The following NAALADL2 variants were observed in gnomAD, a reference collection of about 807,000 sequenced individuals.
NAALADL2 encodes N-acetylated alpha-linked acidic dipeptidase like 2.
NAALADL2 carries 76 observed loss-of-function variants against 87.2 expected under a neutral mutation model. That is an observed-to-expected ratio of 0.87 (90% CI 0.72 to 1.05). The LOEUF is 1.05. Ranked by LOEUF, NAALADL2 falls within the 50% of genes least tolerant of loss-of-function variation. The probability of loss-of-function intolerance (pLI) is 0.00; values close to 1 mark genes in which losing one functional copy is unlikely to be tolerated. For synonymous variants in NAALADL2, 354 were observed against 331.0 expected (o/e 1.07, Z -0.75); for missense variants, 1,089 against 945.8 (o/e 1.15, Z -1.99).
At chr3:175,204,958 A>G (rs1269394864) in intron 2 of NAALADL2, among the ~76,000 whole-genome samples, 2 of 151,066 alleles carry the variant, frequency 1.3e-5, no homozygotes, top group Admixed American at 1.3e-4. Context: ...ATCATAGAAG[A>G]CACAAACAAA....
intron 10 of NAALADL2, among the ~76,000 whole-genome samples, chr3:175,626,937 G>T (rs1727069810): frequency 6.6e-6 from 1 of 151,792 alleles, no homozygotes; most frequent in Middle Eastern, 3.2e-3. Context: ...GACCAATATA[G>T]TCACACACCA....
intron 4 of NAALADL2, among the ~76,000 whole-genome samples, chr3:175,262,729 C>T (rs1485614824): frequency 6.6e-6 from 1 of 151,642 alleles, no homozygotes; most frequent in East Asian, 1.9e-4. Context: ...ATAATTTTCC[C>T]TGGTATGAAT....
At chr3:174,953,285 A>G (rs929307602) in intron 1 of NAALADL2, among the ~76,000 whole-genome samples, 2 of 132,662 alleles carry the variant, frequency 1.5e-5, no homozygotes, top group African/African-American at 2.8e-5. Flanking sequence ...TTAGGACCCA[A>G]TCTTTCTTGC....
At chr3:175,196,822 C>T (rs565577971) in intron 2 of NAALADL2, among the ~76,000 whole-genome samples, 1 of 151,962 alleles carries the variant, frequency 6.6e-6, no homozygotes, top group Non-Finnish European at 1.5e-5. Flanking sequence ...AAATTGAAAG[C>T]AATCACAGCT....
chr3:175,420,715 G>C (rs914152336), intron 5 of NAALADL2, among the ~76,000 whole-genome samples: 8 of 151,944 alleles, frequency 5.3e-5, no homozygotes, highest in African/African-American at 1.9e-4. Flanking sequence ...TTCTCAAACA[G>C]CTCATTAAGT....
chr3:175,081,408 A>T (rs1380276601), intron 1 of NAALADL2, among the ~76,000 whole-genome samples: 1 of 152,144 alleles, frequency 6.6e-6, no homozygotes, highest in African/African-American at 2.4e-5. Context: ...TAATCCAGTT[A>T]TCCTGCCTCA....
intron 3 of NAALADL2, among the ~76,000 whole-genome samples, chr3:174,845,998 G>C (rs1372598702): frequency 2.0e-5 from 3 of 152,112 alleles, no homozygotes; most frequent in Non-Finnish European, 4.4e-5. Context: ...CATACGATGG[G>C]GGTTTCTGCT....
intron 3 of NAALADL2, among the ~76,000 whole-genome samples, chr3:174,797,309 T>C (rs13316847): frequency 0.18 from 15,706 of 86,766 alleles, 589 homozygotes; most frequent in East Asian, 0.28. Flanking sequence ...TTTTTTCTTT[T>C]TTTTTTTTTT....
rs528272427 is a variant in NAALADL2 at position 174,982,964 on chromosome 3, A to AT, written c.44-113819dup. On this transcript the variant is annotated intron_variant, in intron 1 of 13. Coordinates refer to ENST00000454872, the MANE Select transcript of NAALADL2 (RefSeq NM_207015.3). ...AGGTGCCCGCCACCACGCCTGGCTA[A>AT]TTTTTTTGTATTTTTAGTAGAGACG... 3.3e-5 allele frequency among the ~76,000 whole-genome samples: 5 copies of AT among 152,054 alleles called. No individual in the cohort carries two copies. In the South Asian group the frequency reaches 1.0e-3, roughly 32 times the overall value.
intron 5 of NAALADL2, among the ~76,000 whole-genome samples, chr3:175,412,891 T>TTTATTATTATTATTATTA (rs58135076): frequency 0.034 from 4,178 of 122,960 alleles, 110 homozygotes; most frequent in Admixed American, 0.043. Flanking sequence ...ATTTAATTTA[T>TTTATTATTATTATTATTA]TTATTATTAT....
At chr3:174,741,918 T>C (rs1054747943) in intron 3 of NAALADL2, among the ~76,000 whole-genome samples, 1 of 151,748 alleles carries the variant, frequency 6.6e-6, no homozygotes, top group Non-Finnish European at 1.5e-5. Context: ...TATGGTCTCT[T>C]GTTAACTTAC....
At chr3:174,967,923 T>C (rs1743104382) in intron 1 of NAALADL2, among the ~76,000 whole-genome samples, 1 of 152,210 alleles carries the variant, frequency 6.6e-6, no homozygotes, top group African/African-American at 2.4e-5. Flanking sequence ...TAAGAAACAA[T>C]TACCCATCTT....
intron 5 of NAALADL2, among the ~76,000 whole-genome samples, chr3:175,358,218 A>C (rs1764597724): frequency 6.6e-6 from 1 of 152,150 alleles, no homozygotes; most frequent in Non-Finnish European, 1.5e-5. Context: ...ATACACATAC[A>C]TACAGGTTTT....
intron 3 of NAALADL2, among the ~76,000 whole-genome samples, chr3:175,240,419 A>C (rs994655709): frequency 4.6e-5 from 7 of 152,160 alleles, no homozygotes; most frequent in African/African-American, 1.7e-4. Context: ...CAGCTGGAAA[A>C]ACTTGGTCTT....
intron 11 of NAALADL2, among the ~76,000 whole-genome samples, chr3:175,725,569 G>A (rs1290888199): frequency 6.6e-6 from 1 of 152,030 alleles, no homozygotes. Context: ...GAATCGTTAT[G>A]TTCACATTTG....
chr3:174,862,769 C>T (rs1023112251), intron 1 of NAALADL2, among the ~76,000 whole-genome samples: 1 of 152,138 alleles, frequency 6.6e-6, no homozygotes, highest in Non-Finnish European at 1.5e-5. Flanking sequence ...AGTTACGCCT[C>T]CCTGGGCTGT....
intron 5 of NAALADL2, among the ~76,000 whole-genome samples, chr3:175,392,304 A>T (rs968378004): frequency 6.6e-6 from 1 of 152,190 alleles, no homozygotes; most frequent in South Asian, 2.1e-4. Flanking sequence ...GTGGTCTACA[A>T]ATTTTTTTTG....
At chr3:175,159,089 A>G (rs1732743950) in intron 2 of NAALADL2, among the ~76,000 whole-genome samples, 1 of 152,198 alleles carries the variant, frequency 6.6e-6, no homozygotes, top group Non-Finnish European at 1.5e-5. Context: ...GGATTCCAAC[A>G]AAAGCATATA....
At chr3:175,457,362 A>G (rs770483250) in intron 6 of NAALADL2, among the ~76,000 whole-genome samples, 13 of 151,942 alleles carry the variant, frequency 8.6e-5, no homozygotes, top group East Asian at 1.9e-4. Flanking sequence ...AGGTCTCCCT[A>G]TTGAAGTTAC....
Sources: allele counts gnomAD v4.1 joint callset (sites outside exome capture counted in the v4.1 genomes callset), GRCh38; gene constraint gnomAD v4.1.1; transcripts MANE v1.5; gene names NCBI Gene and HGNC (gene_info 2026-07-23, HGNC 2026-07-21).